CALN1: variants seen among roughly 807,000 people sequenced by gnomAD.
CALN1 encodes calneuron 1, also known as calcium-binding protein 8.
In CALN1, 17 loss-of-function variants were observed where a neutral mutation model predicts 30.6. The ratio of observed to expected loss-of-function variants is 0.56; its 90% CI spans 0.38 to 0.83. The LOEUF (loss-of-function observed/expected upper bound fraction) is 0.83. Among genes scored for constraint, CALN1 ranks in the 40% least tolerant of loss-of-function variants. CALN1 has a pLI of 0.00. For missense variants in CALN1, 291 were observed against 354.9 expected (o/e 0.82, Z 1.45); for synonymous variants, 156 against 131.4 (o/e 1.19, Z -1.28).
chr7:72,473,928 A>C, the CALN1 span, among the ~76,000 whole-genome samples: 1 of 126,164 alleles, frequency 7.9e-6, no homozygotes, highest in Non-Finnish European at 1.6e-5. Flanking sequence ...GACTCTGTTT[A>C]AAAAAAAAAA....
At chr7:72,297,022 G>C (rs889526872) in intron 2 of CALN1, among the ~76,000 whole-genome samples, 1 of 151,814 alleles carries the variant, frequency 6.6e-6, no homozygotes, top group Non-Finnish European at 1.5e-5. Context: ...TGATGTTAGG[G>C]TGTCAATTTT....
At chr7:72,289,682 C>A (rs1462041671) in intron 2 of CALN1, among the ~76,000 whole-genome samples, 1 of 152,114 alleles carries the variant, frequency 6.6e-6, no homozygotes, top group African/African-American at 2.4e-5. Context: ...AAATTAACCA[C>A]AAAATCACAA....
chr7:72,079,544 A>T (rs562288523), intron 4 of CALN1, among the ~76,000 whole-genome samples: 1 of 152,232 alleles, frequency 6.6e-6, no homozygotes, highest in South Asian at 2.1e-4. Context: ...AAAAACCGCA[A>T]TTACTCTCGC....
At chr7:72,024,255 T>C (rs1471622043) in intron 4 of CALN1, among the ~76,000 whole-genome samples, 5 of 152,188 alleles carry the variant, frequency 3.3e-5, no homozygotes, top group Non-Finnish European at 5.9e-5. Context: ...GGTGAGAAAA[T>C]CCTTCTAAGA....
At position 71,916,372 on chromosome 7, in the gene CALN1, A is replaced by AT. The variant is rs537526555; in HGVS notation, c.502-105881dup. 5.7e-3 allele frequency among the ~76,000 whole-genome samples: 859 copies of AT among 151,934 alleles called. 4 individuals carry two copies. The highest frequency in any genetic ancestry group is 9.8e-3 in the South Asian group (47 of 4,794). ...AGAGGACAGGTTTGATACAAATGTG[A>AT]TTTTTTTTAATCAAGAGAAGAGTCA... On this transcript the variant is annotated intron_variant, in intron 5 of 6. Coordinates refer to ENST00000395275, the MANE Select transcript of CALN1 (RefSeq NM_031468.4).
At chr7:71,854,390 AAAG>A (rs1473044469) in intron 5 of CALN1, among the ~76,000 whole-genome samples, 1 of 152,118 alleles carries the variant, frequency 6.6e-6, no homozygotes, top group African/African-American at 2.4e-5. Context: ...AGAAAGAAAG[AAAG>A]AAGGAAAGAA....
At chr7:72,238,456 T>C (rs1032327827) in intron 3 of CALN1, among the ~76,000 whole-genome samples, 3 of 152,200 alleles carry the variant, frequency 2.0e-5, no homozygotes, top group African/African-American at 7.2e-5. Flanking sequence ...AATGAATTTA[T>C]TCCCTAGCAA....
chr7:72,166,990 T>C (rs950998069), intron 3 of CALN1, among the ~76,000 whole-genome samples: 4 of 151,664 alleles, frequency 2.6e-5, no homozygotes, highest in Admixed American at 6.6e-5. Flanking sequence ...GCCGAGATCA[T>C]GCCACTGCAC....
intron 5 of CALN1, among the ~76,000 whole-genome samples, chr7:71,945,186 A>G (rs530884348): frequency 1.1e-3 from 159 of 150,696 alleles, no homozygotes; most frequent in Admixed American, 4.1e-3. Context: ...CCCTTCCACC[A>G]TGAATAAAAG....
chr7:72,149,961 A>AG (rs1163472954), intron 3 of CALN1, among the ~76,000 whole-genome samples: 1 of 150,896 alleles, frequency 6.6e-6, no homozygotes, highest in Non-Finnish European at 1.5e-5. Context: ...CTAAAAATAC[A>AG]GAAAAAAAAA....
chr7:72,345,634 C>T (rs1802606671), intron 2 of CALN1, among the ~76,000 whole-genome samples: 2 of 151,862 alleles, frequency 1.3e-5, no homozygotes, highest in Non-Finnish European at 2.9e-5. Flanking sequence ...AAGGAGAATT[C>T]TTGGGAAATT....
chr7:71,908,017 G>C (rs1794234188), intron 5 of CALN1, among the ~76,000 whole-genome samples: 1 of 152,214 alleles, frequency 6.6e-6, no homozygotes, highest in Non-Finnish European at 1.5e-5. Flanking sequence ...TCCTATACCA[G>C]ATTATTGTGG....
intron 3 of CALN1, among the ~76,000 whole-genome samples, chr7:72,228,875 C>A (rs1381020670): frequency 6.6e-6 from 1 of 151,458 alleles, no homozygotes; most frequent in Non-Finnish European, 1.5e-5. Context: ...GATCCTCCCA[C>A]CTCAGCCTCC....
At chr7:72,338,232 C>T (rs767042609) in intron 2 of CALN1, among the ~76,000 whole-genome samples, 5 of 152,058 alleles carry the variant, frequency 3.3e-5, no homozygotes, top group African/African-American at 4.8e-5. Flanking sequence ...CTTACAGCAC[C>T]CTCCTCTCCC....
chr7:72,113,569 A>G (rs955749836), intron 3 of CALN1, among the ~76,000 whole-genome samples: 1 of 152,254 alleles, frequency 6.6e-6, no homozygotes, highest in African/African-American at 2.4e-5. Flanking sequence ...CCCGCAGGCC[A>G]GGGGTTGGCA....
At chr7:71,846,538 G>A (rs557101832) in intron 5 of CALN1, among the ~76,000 whole-genome samples, 20 of 152,092 alleles carry the variant, frequency 1.3e-4, no homozygotes, top group Middle Eastern at 3.4e-3. Flanking sequence ...GCGCGTGCGT[G>A]TGTGTGTATA....
At chr7:72,385,769 T>C (rs1805174354) in intron 2 of CALN1, among the ~76,000 whole-genome samples, 1 of 152,160 alleles carries the variant, frequency 6.6e-6, no homozygotes, top group African/African-American at 2.4e-5. Flanking sequence ...TGTGGCAGTT[T>C]CCTCATCACA....
chr7:71,822,903 T>C (rs2116333362), intron 5 of CALN1, among the ~76,000 whole-genome samples: 1 of 152,358 alleles, frequency 6.6e-6, no homozygotes, highest in South Asian at 2.1e-4. Flanking sequence ...TACTTCATTA[T>C]ATTTAAGTGA....
intron 1 of CALN1, among the ~76,000 whole-genome samples, chr7:72,438,298 T>C (rs188736291): frequency 1.7e-4 from 26 of 151,698 alleles, no homozygotes; most frequent in Admixed American, 4.6e-4. Context: ...TTATTTTTGT[T>C]TTTTGTAGAG....
Sources: gnomAD v4.1 joint callset for allele counts (sites outside exome capture counted in the v4.1 genomes callset) on GRCh38, gnomAD v4.1.1 for gene constraint, MANE v1.5 for transcripts, NCBI Gene and HGNC (gene_info 2026-07-23, HGNC 2026-07-21) for gene names.